GGA2: variants seen among roughly 807,000 people sequenced by gnomAD.
GGA2 encodes golgi associated, gamma adaptin ear containing, ARF binding protein 2.
A neutral mutation model predicts 79.5 loss-of-function variants in GGA2; 48 were observed. The observed-to-expected ratio is 0.60, with a 90% CI of 0.48 to 0.77. The LOEUF is 0.77. GGA2 is among the 30% of genes least tolerant of loss of function. GGA2 has a pLI of 0.00. For missense variants in GGA2, 770 were observed against 774.0 expected (o/e 0.99, Z 0.06); for synonymous variants, 317 against 302.0 (o/e 1.05, Z -0.51).
chr16:23,491,858 T>G, intron 4 of GGA2, 58 bp from the exon 5 acceptor site: 1 of 1,241,506 alleles, frequency 8.1e-7, no homozygotes, highest in Non-Finnish European at 1.2e-6. Flanking sequence ...AGACCGACAC[T>G]TTAACTAAAG....
chr16:23,486,623 T>A (rs977109123), intron 7 of GGA2, 87 bp downstream of exon 7: 25 of 831,954 alleles, frequency 3.0e-5, no homozygotes, highest in Non-Finnish European at 4.7e-5. Context: ...CAACCGTTCC[T>A]CTACCCCTCA....
At chr16:23,515,533 G>A (rs1239436623) in intron 2 of GGA2, among the ~76,000 whole-genome samples, 1 of 139,236 alleles carries the variant, frequency 7.2e-6, no homozygotes, top group Non-Finnish European at 1.5e-5. Context: ...GGAGGTGGAG[G>A]CTTCAGTGAG....
chr16:23,516,282 G>A (rs563647974), intron 2 of GGA2, among the ~76,000 whole-genome samples: 2 of 152,234 alleles, frequency 1.3e-5, no homozygotes, highest in African/African-American at 2.4e-5. Flanking sequence ...AAAGTGCTGG[G>A]ATTACAGGCA....
chr16:23,491,000 C>T (rs1473985708), intron 5 of GGA2, among the ~76,000 whole-genome samples: 1 of 151,874 alleles, frequency 6.6e-6, no homozygotes, highest in Non-Finnish European at 1.5e-5. Context: ...TTGAGACCAG[C>T]GTGGGTAACA....
intron 1 of GGA2, among the ~76,000 whole-genome samples, chr16:23,500,204 C>T (rs1237797315): frequency 2.0e-5 from 3 of 152,206 alleles, no homozygotes; most frequent in Non-Finnish European, 2.9e-5. Context: ...TGGGGAGCAG[C>T]CCCACAGCCA....
At chr16:23,501,694 A>C (rs897827713) in intron 1 of GGA2, 4 of 172,074 alleles carry the variant, frequency 2.3e-5, no homozygotes, top group African/African-American at 9.6e-5. Flanking sequence ...ATAAGATCCT[A>C]AACTTCTCAA....
upstream of GGA2, among the ~76,000 whole-genome samples, chr16:23,513,734 G>A (rs1318704532): frequency 2.9e-5 from 4 of 137,530 alleles, no homozygotes; most frequent in East Asian, 2.1e-4. Context: ...GCAGTGAGCC[G>A]AGATCACACC....
At chr16:23,487,376 AG>A (rs1039218089) in intron 6 of GGA2, among the ~76,000 whole-genome samples, 1 of 152,058 alleles carries the variant, frequency 6.6e-6, no homozygotes, top group African/African-American at 2.4e-5. Flanking sequence ...ACAACTAGAG[AG>A]GGGGTGCTAC....
chr16:23,490,215 T>C (rs1964765563), intron 5 of GGA2, among the ~76,000 whole-genome samples: 1 of 152,102 alleles, frequency 6.6e-6, no homozygotes, highest in Non-Finnish European at 1.5e-5. Flanking sequence ...CAGCTAACAC[T>C]AGAGGAATCT....
chr16:23,480,519 G>A, intron 10 of GGA2, 126 bp downstream of exon 10: 1 of 783,864 alleles, frequency 1.3e-6, no homozygotes, highest in Non-Finnish European at 2.0e-6. Context: ...TTCACAGGAA[G>A]GGGAACAAAG....
At chr16:23,504,353 A>G (rs895514725) in intron 1 of GGA2, among the ~76,000 whole-genome samples, 1 of 151,930 alleles carries the variant, frequency 6.6e-6, no homozygotes, top group Non-Finnish European at 1.5e-5. Flanking sequence ...GTGCTCATAA[A>G]CTCCTTGAAG....
At chr16:23,512,322 C>T (rs1965076748), upstream of GGA2, among the ~76,000 whole-genome samples, 1 of 152,142 alleles carries the variant, frequency 6.6e-6, no homozygotes, top group Non-Finnish European at 1.5e-5. Flanking sequence ...GCCTTGATCC[C>T]CCGTATGGCC....
chr16:23,519,382 C>T (rs1319233213), intron 2 of GGA2, among the ~76,000 whole-genome samples: 1 of 152,112 alleles, frequency 6.6e-6, no homozygotes, highest in African/African-American at 2.4e-5. Flanking sequence ...AAAAAGAACA[C>T]GCTCAGGGGA....
In GGA2 at chr16:23,470,058, T is replaced by C; in HGVS notation, c.1558A>G (p.Thr520Ala). Reference sequence around the variant, plus strand: ...GGCTGGGGAGCCGTGCTCATCATGGTCAAGAGCAGCACCTGTACCTCTGGG... The same window carrying C: ...GGCTGGGGAGCCGTGCTCATCATGGCCAAGAGCAGCACCTGTACCTCTGGG... ...GHPEVQVLLLTMMSTAPQPVW... is the reference protein window; with the variant it reads ...GHPEVQVLLLAMMSTAPQPVW... Residue 520 changes from threonine to alanine, a missense_variant, in exon 15 of 17, where the codon ACC (threonine) becomes GCC (alanine). Transcript: ENST00000309859. 1.9e-6 allele frequency: 3 copies of C among 1,608,840 alleles called. No homozygotes were observed. Among genetic ancestry groups the C allele is most frequent in the Non-Finnish European group, 2.5e-6 (3 of 1,177,698 alleles).
chr16:23,494,410 G>A, intron 2 of GGA2, 32 bp from the exon 3 acceptor site: 3 of 1,476,872 alleles, frequency 2.0e-6, no homozygotes, highest in East Asian at 2.3e-5. Flanking sequence ...TAGACTCTGG[G>A]CGGGCAAAAA....
Position 23,510,408 on chromosome 16 carries a change from C to T in GGA2, c.4G>A (p.Ala2Thr). 7.4e-7 allele frequency: 1 copy of T among 1,345,790 alleles called. No individual in the cohort carries two copies. Among genetic ancestry groups the T allele is most frequent in the Non-Finnish European group, 9.7e-7 (1 of 1,031,696 alleles). The allele number at this position is 1,345,790 out of a possible 1,614,324, so 83.4% of individuals were successfully genotyped here. M[A>T]ATAVAAAVAG... is the part of the protein sequence containing the mutation. The stretch of plus-strand genomic sequence containing the variant: ...ACAGCCGCCGCCACCGCGGTCGCCG[C>T]CATCGCTCCAGCCCCGACGCTGCGG... The change falls in exon 1 of 17, where the codon GCG becomes ACG. Residue 2 changes from alanine (A) to threonine (T), a missense_variant. By Grantham distance (58) the Ala-to-Thr change is moderately conservative (BLOSUM62 0). Transcript: ENST00000309859.
chr16:23,486,373 C>T (rs1964713078), intron 7 of GGA2, among the ~76,000 whole-genome samples: 1 of 152,218 alleles, frequency 6.6e-6, no homozygotes, highest in South Asian at 2.1e-4. Context: ...TGACCTCTGC[C>T]TTTGTGCCAC....
intron 7 of GGA2, 33 bp from the exon 8 acceptor site, chr16:23,486,185 G>C: frequency 6.2e-7 from 1 of 1,608,946 alleles, no homozygotes; most frequent in Non-Finnish European, 8.5e-7. Flanking sequence ...GGGAGTGAGG[G>C]AGCAGAAACC....
Position 23,477,248 on chromosome 16 carries a change from G to A in GGA2, c.1292+1120C>T, listed in dbSNP as rs1964586536. ...ATTACAGGTATGATATGGTTTGGCT[G>A]TGTCCCCACCCAAATCTCATCTTGA... is the stretch of plus-strand genomic sequence containing the variant. On this transcript the variant is annotated intron_variant, in intron 13 of 16. Transcript: ENST00000309859. 2.0e-5 allele frequency among the ~76,000 whole-genome samples: 3 copies of A among 152,146 alleles called. 1 individual carries two copies. Among genetic ancestry groups the A allele is most frequent in the Admixed American group, 2.0e-4 (3 of 15,258 alleles).
Sources: gnomAD v4.1 joint callset for allele counts (sites outside exome capture counted in the v4.1 genomes callset) on GRCh38, gnomAD v4.1.1 for gene constraint, MANE v1.5 for transcripts, NCBI Gene and HGNC (gene_info 2026-07-23, HGNC 2026-07-21) for gene names.